INSC: variants seen among roughly 807,000 people sequenced by gnomAD.
INSC encodes the protein INSC spindle orientation adaptor protein.
In INSC, 67 loss-of-function variants were observed where a neutral mutation model predicts 58.6. The observed-to-expected ratio is 1.14, with a 90% CI of 0.94 to 1.40. The LOEUF (loss-of-function observed/expected upper bound fraction) is 1.40, where lower values mean the gene tolerates loss of function less well. INSC is among the 40% of genes most tolerant of loss of function. INSC has a pLI of 0.00. For missense variants in INSC, 714 were observed against 692.0 expected (o/e 1.03, Z -0.36); for synonymous variants, 262 against 276.1 (o/e 0.95, Z 0.51).
intron 5 of INSC, among the ~76,000 whole-genome samples, chr11:15,186,670 T>C (rs1369924482): frequency 6.6e-6 from 1 of 152,194 alleles, no homozygotes; most frequent in Non-Finnish European, 1.5e-5. Flanking sequence ...CTGTTTTCTC[T>C]TCAGTACATC....
At chr11:15,127,950 G>A (rs567454971) in intron 1 of INSC, among the ~76,000 whole-genome samples, 40 of 152,030 alleles carry the variant, frequency 2.6e-4, no homozygotes, top group East Asian at 7.7e-4. Context: ...AGCCGAGATC[G>A]TGCCGTTGCA....
chr11:15,236,358 C>A (rs576214303), intron 10 of INSC, among the ~76,000 whole-genome samples: 1 of 149,338 alleles, frequency 6.7e-6, no homozygotes, highest in Non-Finnish European at 1.5e-5. Context: ...TCATTATGAT[C>A]CTCAAATAAA....
At chr11:15,149,033 T>C (rs1406073874) in intron 1 of INSC, 97 bp from the exon 2 acceptor site, 1 of 1,382,858 alleles carries the variant, frequency 7.2e-7, no homozygotes, top group Admixed American at 2.8e-5. Context: ...CTTACCTCTT[T>C]GTCTGCTTTG....
At chr11:15,236,374 TC>T (rs1189838715) in intron 10 of INSC, among the ~76,000 whole-genome samples, 1 of 151,360 alleles carries the variant, frequency 6.6e-6, no homozygotes, top group Non-Finnish European at 1.5e-5. Context: ...ATAAAAAAAA[TC>T]TATTCCTACC....
intron 1 of INSC, among the ~76,000 whole-genome samples, chr11:15,134,002 A>T (rs1848183272): frequency 7.6e-6 from 1 of 131,150 alleles, no homozygotes; most frequent in African/African-American, 2.8e-5. Flanking sequence ...GTGGCTTGAT[A>T]TGCCTCTCTA....
chr11:15,124,192 A>G (rs1847936310), intron 1 of INSC, among the ~76,000 whole-genome samples: 1 of 152,214 alleles, frequency 6.6e-6, no homozygotes, highest in South Asian at 2.1e-4. Context: ...CCACTCCTGT[A>G]TCCCTCTTTT....
chr11:15,230,647 G>T (rs185750566), intron 9 of INSC, among the ~76,000 whole-genome samples: 1 of 152,186 alleles, frequency 6.6e-6, no homozygotes, highest in Non-Finnish European at 1.5e-5. Flanking sequence ...GTCCTGACCT[G>T]CTCCAGAAAC....
intron 1 of INSC, among the ~76,000 whole-genome samples, chr11:15,144,243 A>C (rs1848439592): frequency 6.6e-6 from 1 of 152,172 alleles, no homozygotes; most frequent in South Asian, 2.1e-4. Flanking sequence ...AGAAAGATGA[A>C]TGTTTACCCA....
intron 5 of INSC, chr11:15,188,324 C>T (rs1413580552): frequency 1.0e-6 from 1 of 985,326 alleles, no homozygotes; most frequent in African/African-American, 1.7e-5. Context: ...CTTCAATCTC[C>T]ACTAGTCCAG....
Position 15,234,161 on chromosome 11 carries a change from G to A in INSC, c.1171-1441G>A, listed in dbSNP as rs74317896. ...GTACAGAGTTGCTTTCAGGATAAAG[G>A]TTCTGGAGTATTCTCCTGTCCTTCC... On this transcript the variant is annotated intron_variant, in intron 9 of 12. Coordinates refer to ENST00000379556, the MANE Select transcript of INSC (RefSeq NM_001042536.3). Among the ~76,000 whole-genome samples, 1,209 of 152,256 alleles carry A rather than the reference G, an allele frequency of 7.9e-3. 20 individuals carry two copies. Among genetic ancestry groups the A allele is most frequent in the East Asian group, 0.043 (225 of 5,182 alleles).
chr11:15,154,854 C>G (rs1046226196), intron 2 of INSC, among the ~76,000 whole-genome samples: 3 of 152,098 alleles, frequency 2.0e-5, no homozygotes, highest in African/African-American at 7.2e-5. Context: ...GATAGGAAAG[C>G]AAACCCATTG....
At chr11:15,261,910 G>GATCAGTTC in the INSC span, among the ~76,000 whole-genome samples, 3 of 152,106 alleles carry the variant, frequency 2.0e-5, no homozygotes, top group Admixed American at 6.6e-5. Context: ...CGTAATGGAG[G>GATCAGTTC]TGAGGAAGAT....
intron 2 of INSC, among the ~76,000 whole-genome samples, chr11:15,170,222 T>C (rs962356166): frequency 6.6e-6 from 1 of 152,220 alleles, no homozygotes; most frequent in Non-Finnish European, 1.5e-5. Flanking sequence ...AATCCATATA[T>C]GCAAAATCTG....
chr11:15,128,902 C>A (rs576347495), intron 1 of INSC, among the ~76,000 whole-genome samples: 3 of 152,298 alleles, frequency 2.0e-5, no homozygotes, highest in Non-Finnish European at 4.4e-5. Context: ...TCTTAGTTAA[C>A]CTTCCCTTCT....
chr11:15,170,584 G>A (rs1590393248), intron 2 of INSC, among the ~76,000 whole-genome samples: 1 of 152,124 alleles, frequency 6.6e-6, no homozygotes, highest in Non-Finnish European at 1.5e-5. Context: ...CTTATCCTTG[G>A]TGAGGTTAAA....
chr11:15,254,341 G>T, the INSC span, among the ~76,000 whole-genome samples: 25 of 152,164 alleles, frequency 1.6e-4, no homozygotes, highest in African/African-American at 5.8e-4. Flanking sequence ...ATATCATGAA[G>T]GTCTGCTCTA....
chr11:15,257,476 G>T, the INSC span, among the ~76,000 whole-genome samples: 1 of 152,064 alleles, frequency 6.6e-6, no homozygotes, highest in Non-Finnish European at 1.5e-5. Context: ...AAAATCATAT[G>T]TTGTTAAAGT....
intron 9 of INSC, among the ~76,000 whole-genome samples, chr11:15,229,980 TATATATATATATATATATA>T (rs1851822558): frequency 1.6e-4 from 5 of 31,684 alleles, no homozygotes; most frequent in African/African-American, 3.8e-4. Context: ...ATATATATAT[TATATATATATATATATATA>T]TATATATATA....
intron 2 of INSC, among the ~76,000 whole-genome samples, chr11:15,159,498 T>C (rs1299633249): frequency 6.6e-6 from 1 of 152,250 alleles, no homozygotes; most frequent in Non-Finnish European, 1.5e-5. Flanking sequence ...AAATCCCATG[T>C]TACTGCCATG....
Sources: allele counts gnomAD v4.1 joint callset (sites outside exome capture counted in the v4.1 genomes callset), GRCh38; gene constraint gnomAD v4.1.1; transcripts MANE v1.5; gene names NCBI Gene and HGNC (gene_info 2026-07-23, HGNC 2026-07-21).